RERE: variants seen among roughly 807,000 people sequenced by gnomAD.
RERE encodes arginine-glutamic acid dipeptide repeats protein.
In RERE, 40 loss-of-function variants were observed where a neutral mutation model predicts 146.1. The observed-to-expected ratio is 0.27, with a 90% CI of 0.21 to 0.36. The LOEUF is 0.36. Ranked by LOEUF, RERE falls within the 10% of genes least tolerant of loss-of-function variation. The probability of loss-of-function intolerance (pLI) is 1.00; values close to 1 mark genes in which losing one functional copy is unlikely to be tolerated. For missense variants in RERE, 1,933 were observed against 2,138.7 expected, an observed-to-expected ratio of 0.90 and a Z score of 1.90; for synonymous variants, 1,003 against 866.0, an observed-to-expected ratio of 1.16 and a Z score of -2.78.
intron 4 of RERE, among the ~76,000 whole-genome samples, chr1:8,609,196 C>T (rs77151537): frequency 0.026 from 3,760 of 144,014 alleles, 141 homozygotes; most frequent in African/African-American, 0.091. Flanking sequence ...CCAGCCTGGG[C>T]AAAAGAGCAA....
chr1:8,360,977 G>T lies in RERE; in HGVS notation c.2530C>A (p.Pro844Thr). The T allele has an allele frequency of 6.9e-7, 1 of 1,446,036 alleles. No individual in the cohort carries two copies. The highest frequency in any genetic ancestry group is 1.4e-5 in the African/African-American group (1 of 69,664). The allele number at this position is 1,446,036 out of a possible 1,614,324, so 89.6% of individuals were successfully genotyped here. The change falls in exon 18 of 23, where the codon CCC becomes ACC. Residue 844 changes from proline to threonine, a missense_variant. Transcript: ENST00000400908. ...GQPSAPSHAQ[P>T]PLHGQGPPGP... ...GGTGGGCCCTGACCGTGCAGTGGGG[G>T]CTGGGCATGAGAGGGTGCAGAAGGC...
chr1:8,809,766 G>A (rs1264099183), intron 1 of RERE, among the ~76,000 whole-genome samples: 1 of 152,156 alleles, frequency 6.6e-6, no homozygotes, highest in Admixed American at 6.5e-5. Context: ...TGTAGTCACA[G>A]GAAAACTTTC....
intron 1 of RERE, among the ~76,000 whole-genome samples, chr1:8,773,757 G>A (rs1387361432): frequency 6.6e-6 from 1 of 152,168 alleles, no homozygotes; most frequent in Non-Finnish European, 1.5e-5. Context: ...CTGGGAGGCA[G>A]AGACTGCAGG....
intron 1 of RERE, among the ~76,000 whole-genome samples, chr1:8,765,823 G>A (rs1360587998): frequency 2.0e-5 from 3 of 152,186 alleles, no homozygotes; most frequent in Non-Finnish European, 2.9e-5. Flanking sequence ...ATGGTGGCAC[G>A]TGCCTGCAAT....
chr1:8,578,651 G>C (rs1028087156), intron 4 of RERE, among the ~76,000 whole-genome samples: 1 of 152,042 alleles, frequency 6.6e-6, no homozygotes, highest in Non-Finnish European at 1.5e-5. Context: ...TAGAGCAGTG[G>C]AAGGCATCAC....
At chr1:8,722,383 T>C (rs183231345) in intron 1 of RERE, among the ~76,000 whole-genome samples, 36 of 152,352 alleles carry the variant, frequency 2.4e-4, no homozygotes, top group Middle Eastern at 3.4e-3. Context: ...CTAATATTTA[T>C]TGAGTGCTAA....
rs536446569 is a variant in RERE at position 8,631,659 on chromosome 1, A to G, written c.326-7279T>C. Among the ~76,000 whole-genome samples the G allele has an allele frequency of 1.6e-4, 24 of 152,322 alleles. No individual in the cohort carries two copies. In the South Asian group the frequency reaches 4.3e-3, roughly 28 times the overall value. On this transcript the variant is annotated intron_variant, in intron 2 of 22. Transcript: ENST00000400908. ...ACTCTCATCTCCTTATTTTACTCTG[A>G]AAACGTTCCTTAAATAGCACCCCTT...
chr1:8,397,588 GAA>G (rs34958833), intron 12 of RERE, among the ~76,000 whole-genome samples: 59 of 138,632 alleles, frequency 4.3e-4, no homozygotes, highest in South Asian at 6.8e-4. Flanking sequence ...ACTCACACAG[GAA>G]AAAAAAAAAA....
In RERE at chr1:8,555,457, C is replaced by T. The variant is rs114299846; in HGVS notation, c.725+1018G>A. Among the ~76,000 whole-genome samples the T allele has an allele frequency of 7.7e-3, 1,176 of 152,274 alleles. 17 individuals carry two copies. The highest frequency in any genetic ancestry group is 0.027 in the African/African-American group (1,140 of 41,562). On this transcript the variant is annotated intron_variant, in intron 6 of 22. Transcript: ENST00000400908. ...TACTAATTTACCTTGAAATAACTGA[C>T]TTTAGCTATGTAGCTTTGCAAAAAA...
At chr1:8,695,702 G>C (rs539688503) in intron 1 of RERE, among the ~76,000 whole-genome samples, 1 of 151,430 alleles carries the variant, frequency 6.6e-6, no homozygotes, top group East Asian at 1.9e-4. Context: ...GGAGGTTGCA[G>C]CGAGCTGAGA....
At chr1:8,526,004 T>G in intron 7 of RERE, 1 of 1,293,532 alleles carries the variant, frequency 7.7e-7, no homozygotes, top group Non-Finnish European at 9.8e-7. Flanking sequence ...TGACCCTCCC[T>G]CATCCACACA....
intron 7 of RERE, among the ~76,000 whole-genome samples, chr1:8,529,375 C>T (rs371568198): frequency 4.1e-5 from 6 of 146,770 alleles, no homozygotes; most frequent in South Asian, 2.2e-4. Context: ...CTGCAAGCTC[C>T]GGGTCCTAGG....
At chr1:8,472,943 T>A (rs1259916402) in intron 10 of RERE, among the ~76,000 whole-genome samples, 1 of 152,082 alleles carries the variant, frequency 6.6e-6, no homozygotes, top group Non-Finnish European at 1.5e-5. Flanking sequence ...ACTGCATGAC[T>A]GCACTTCTAC....
chr1:8,499,090 G>A (rs1484965771), intron 8 of RERE, among the ~76,000 whole-genome samples: 5 of 151,868 alleles, frequency 3.3e-5, no homozygotes, highest in Non-Finnish European at 7.4e-5. Flanking sequence ...GCAAGCAGGT[G>A]CCATGACCAC....
intron 7 of RERE, among the ~76,000 whole-genome samples, chr1:8,535,110 A>C (rs1233364807): frequency 1.3e-5 from 2 of 151,976 alleles, no homozygotes; most frequent in African/African-American, 4.8e-5. Context: ...TAGCCACCTC[A>C]CTCTAGCCTG....
At chr1:8,607,098 C>T (rs112991610) in intron 4 of RERE, among the ~76,000 whole-genome samples, 1 of 152,078 alleles carries the variant, frequency 6.6e-6, no homozygotes, top group East Asian at 1.9e-4. Flanking sequence ...CAGTGGCTCA[C>T]AATTGTAACC....
chr1:8,459,698 T>C (rs906438048), intron 11 of RERE, among the ~76,000 whole-genome samples: 1 of 152,168 alleles, frequency 6.6e-6, no homozygotes, highest in Non-Finnish European at 1.5e-5. Context: ...AATGAGACGA[T>C]GAAGCCAGAC....
intron 11 of RERE, among the ~76,000 whole-genome samples, chr1:8,453,777 C>A (rs1345281452): frequency 6.6e-6 from 1 of 151,950 alleles, no homozygotes; most frequent in Non-Finnish European, 1.5e-5. Context: ...TTGCACTGGT[C>A]CAGCCTGGGC....
chr1:8,401,672 A>G (rs1210436088), intron 12 of RERE, among the ~76,000 whole-genome samples: 1 of 151,274 alleles, frequency 6.6e-6, no homozygotes, highest in East Asian at 2.0e-4. Context: ...AGGTGGGAGG[A>G]CTGCTTAAGC....
Sources: allele counts gnomAD v4.1 joint callset (sites outside exome capture counted in the v4.1 genomes callset), GRCh38; gene constraint gnomAD v4.1.1; transcripts MANE v1.5; gene names NCBI Gene and HGNC (gene_info 2026-07-23, HGNC 2026-07-21).